Variants in LY75 observed in about 807,000 individuals in gnomAD.
LY75 encodes the protein lymphocyte antigen 75.
Under a neutral mutation model 231.7 loss-of-function variants are expected in LY75, and 185 were observed. That is an observed-to-expected ratio of 0.80 (90% CI 0.71 to 0.90). The LOEUF is 0.90. Among genes scored for constraint, LY75 ranks in the 40% least tolerant of loss-of-function variants. LY75 has a pLI of 0.00. For synonymous variants in LY75, 668 were observed against 689.0 expected (o/e 0.97, Z 0.48); for missense variants, 1,947 against 2,050.2 (o/e 0.95, Z 0.97).
chr2:159,845,177 A>C (rs946442273), intron 23 of LY75, among the ~76,000 whole-genome samples: 3 of 152,194 alleles, frequency 2.0e-5, no homozygotes, highest in African/African-American at 7.2e-5. Flanking sequence ...TATCAAATTC[A>C]TGAATTGGAA....
chr2:159,843,066 T>C (rs1684091068), intron 23 of LY75, among the ~76,000 whole-genome samples: 1 of 152,070 alleles, frequency 6.6e-6, no homozygotes. Context: ...AAACTTTATG[T>C]GGAGCCAAAT....
chr2:159,890,405 T>A, intron 3 of LY75, 28 bp from the exon 4 acceptor site: 1 of 1,610,890 alleles, frequency 6.2e-7, no homozygotes, highest in Non-Finnish European at 8.5e-7. Context: ...TTAGTGATCA[T>A]AAAGTAAGGA....
intron 3 of LY75, 147 bp downstream of exon 3, chr2:159,893,767 A>G: frequency 8.6e-7 from 1 of 1,161,440 alleles, no homozygotes; most frequent in Non-Finnish European, 1.2e-6. Context: ...GCTACACATT[A>G]CCTCTCTCTT....
chr2:159,898,470 A>C (rs1018646606), intron 2 of LY75, among the ~76,000 whole-genome samples: 18 of 152,204 alleles, frequency 1.2e-4, no homozygotes, highest in Admixed American at 1.2e-3. Flanking sequence ...GACCTCAGAC[A>C]AGGCACTTTA....
At chr2:159,900,031 C>G (rs1405054840) in intron 1 of LY75, among the ~76,000 whole-genome samples, 1 of 152,170 alleles carries the variant, frequency 6.6e-6, no homozygotes, top group Non-Finnish European at 1.5e-5. Context: ...CCAGGAACTA[C>G]CAAAGTGATG....
chr2:159,832,077 AT>A (rs11303247), intron 27 of LY75, among the ~76,000 whole-genome samples: 62,527 of 152,020 alleles, frequency 0.41, 14,601 homozygotes, highest in Non-Finnish European at 0.52. Flanking sequence ...TTTAAAGGTA[AT>A]TTTTCAGTTG....
chr2:159,830,272 T>A (rs1341196622), intron 28 of LY75, among the ~76,000 whole-genome samples: 2 of 152,138 alleles, frequency 1.3e-5, no homozygotes, highest in African/African-American at 4.8e-5. Flanking sequence ...ATTTGAGTAA[T>A]TTAGCTTCTT....
chr2:159,810,632 T>C lies in LY75; in HGVS notation c.4593A>G (p.Ala1531=). The C allele has an allele frequency of 1.2e-6, 2 of 1,614,120 alleles. No homozygotes were observed. Among genetic ancestry groups the C allele is most frequent in the Non-Finnish European group, 1.7e-6 (2 of 1,179,990 alleles). The change falls in exon 32 of 35, where the codon GCA becomes GCG. Residue 1531 remains alanine, a synonymous_variant. Transcript: ENST00000263636. ...TCCACCGTGACCCATTCTCTTTTGC[T>C]GCTGGACATCTTGATGAATATGTAA... ...SRLTYSSRCP[A]AKENGSRWIQ...
intron 13 of LY75, among the ~76,000 whole-genome samples, chr2:159,868,835 G>T (rs547206110): frequency 5.3e-5 from 8 of 152,234 alleles, no homozygotes; most frequent in African/African-American, 1.9e-4. Flanking sequence ...TGGATAATAT[G>T]ATATTGTGTG....
Position 159,852,211 on chromosome 2 carries a change from A to G in LY75, c.2873T>C (p.Phe958Ser). The change falls in exon 21 of 35, where the codon TTT becomes TCT. Residue 958 changes from phenylalanine to serine, a missense_variant. Physicochemically the swap from Phe to Ser is radical, Grantham distance 155 (BLOSUM62 -2). Transcript: ENST00000263636. ...KVQCSEQWIPFQNKCFLKIKP... is the reference protein window; with the variant it reads ...KVQCSEQWIPSQNKCFLKIKP... The stretch of plus-strand genomic sequence containing the variant: ...CAATTCTCTTTTTACCTTATTCTGA[A>G]AAGGAATCCATTGCTCAGAACATTG... 1 of 1,613,396 alleles carries G rather than the reference A, an allele frequency of 6.2e-7. No homozygotes were observed. Among genetic ancestry groups the G allele is most frequent in the East Asian group, 2.2e-5 (1 of 44,854 alleles).
intron 2 of LY75, among the ~76,000 whole-genome samples, chr2:159,894,682 T>C (rs1435882293): frequency 2.0e-5 from 3 of 152,158 alleles, no homozygotes; most frequent in Non-Finnish European, 4.4e-5. Flanking sequence ...AGCAGATTCT[T>C]GGGAAGGTAC....
intron 31 of LY75, among the ~76,000 whole-genome samples, chr2:159,811,357 C>T (rs1306775648): frequency 6.6e-6 from 1 of 151,844 alleles, no homozygotes; most frequent in African/African-American, 2.4e-5. Flanking sequence ...CCCTGGTTTC[C>T]ATTTAAATTG....
At chr2:159,819,961 C>T in intron 28 of LY75, 41 bp from the exon 29 acceptor site, 1 of 1,540,506 alleles carries the variant, frequency 6.5e-7, no homozygotes, top group Non-Finnish European at 8.7e-7. Context: ...GAGATTAAAT[C>T]AAGACTTGAA....
chr2:159,897,621 A>C (rs72957576), intron 2 of LY75, among the ~76,000 whole-genome samples: 63,433 of 151,972 alleles, frequency 0.42, 15,715 homozygotes, highest in Non-Finnish European at 0.56. Flanking sequence ...AAGCTGCTAT[A>C]GTGACTTTGA....
intron 23 of LY75, among the ~76,000 whole-genome samples, chr2:159,848,091 TATAC>T (rs1368698689): frequency 0.091 from 753 of 8,252 alleles, 17 homozygotes; most frequent in Admixed American, 0.19. Flanking sequence ...TATATATATA[TATAC>T]ACACACACAT....
At chr2:159,888,293 C>T (rs1015349491) in intron 4 of LY75, among the ~76,000 whole-genome samples, 9 of 152,144 alleles carry the variant, frequency 5.9e-5, no homozygotes, top group African/African-American at 9.7e-5. Context: ...GTGGGAAGAT[C>T]GCTTGAGCCC....
At chr2:159,901,482 C>T (rs1028801643) in intron 1 of LY75, among the ~76,000 whole-genome samples, 6 of 152,216 alleles carry the variant, frequency 3.9e-5, no homozygotes, top group African/African-American at 7.2e-5. Flanking sequence ...GGGCATTCTG[C>T]TTTGTGTGCT....
At chr2:159,904,042 C>G (rs1036763182) in intron 1 of LY75, among the ~76,000 whole-genome samples, 4 of 152,224 alleles carry the variant, frequency 2.6e-5, no homozygotes, top group African/African-American at 9.6e-5. Context: ...GACTCTTGGT[C>G]TTGGTCACTT....
intron 21 of LY75, 142 bp from the exon 22 acceptor site, chr2:159,850,609 C>A (rs1684357155): frequency 1.0e-6 from 1 of 992,682 alleles, no homozygotes; most frequent in Non-Finnish European, 1.4e-6. Flanking sequence ...CATAAGAATT[C>A]AAGTTTATGC....
Sources: allele counts gnomAD v4.1 joint callset (sites outside exome capture counted in the v4.1 genomes callset), GRCh38; gene constraint gnomAD v4.1.1; transcripts MANE v1.5; gene names NCBI Gene and HGNC (gene_info 2026-07-23, HGNC 2026-07-21).